The following BACH1 variants were observed in gnomAD, a reference collection of about 807,000 sequenced individuals.
BACH1 encodes BTB domain and CNC homolog 1, also known as transcription regulator protein BACH1.
A neutral mutation model predicts 52.9 loss-of-function variants in BACH1; 35 were observed. The observed-to-expected ratio is 0.66, with a 90% CI of 0.51 to 0.88. The LOEUF (loss-of-function observed/expected upper bound fraction) is 0.88, where lower values mean the gene tolerates loss of function less well. Ranked by LOEUF, BACH1 falls within the 40% of genes least tolerant of loss-of-function variation. BACH1 has a pLI of 0.00. For missense variants in BACH1, 808 were observed against 872.6 expected (o/e 0.93, Z 0.93); for synonymous variants, 321 against 319.6 (o/e 1.00, Z -0.05).
chr21:29,328,151 A>G (rs560151919), intron 3 of BACH1, among the ~76,000 whole-genome samples: 1 of 152,338 alleles, frequency 6.6e-6, no homozygotes, highest in South Asian at 2.1e-4. Flanking sequence ...CTTCTAGTGG[A>G]GTAAAGTTTA....
At chr21:29,330,370 T>G (rs1032624696) in intron 4 of BACH1, among the ~76,000 whole-genome samples, 1 of 151,860 alleles carries the variant, frequency 6.6e-6, no homozygotes, top group Non-Finnish European at 1.5e-5. Context: ...TTAGTAGAGA[T>G]GGGGTTTCAC....
intron 1 of BACH1, among the ~76,000 whole-genome samples, chr21:29,304,953 A>C (rs993390235): frequency 1.3e-5 from 2 of 152,188 alleles, no homozygotes; most frequent in Non-Finnish European, 2.9e-5. Context: ...ATTAGGTTGT[A>C]ATTTCATTAA....
At position 29,326,285 on chromosome 21, in the gene BACH1, A is replaced by T; in HGVS notation, c.461A>T (p.Asp154Val). Reference sequence around the variant, plus strand: ...TTTTCATCACACTGTCAGAAAACAGACCTTAAACTTTCACTTTTGGACCAG... The same window carrying T: ...TTTTCATCACACTGTCAGAAAACAGTCCTTAAACTTTCACTTTTGGACCAG... Reference protein sequence around the residue: ...KCFSSHCQKTDLKLSLLDQRD... With the variant: ...KCFSSHCQKTVLKLSLLDQRD... Residue 154 changes from aspartate (D) to valine (V), a missense_variant, in exon 3 of 5, where the codon GAC becomes GTC. Asp to Val is a radical substitution (Grantham distance 152). Transcript: ENST00000286800. 1 of 1,614,166 alleles carries T rather than the reference A, an allele frequency of 6.2e-7. No individual in the cohort carries two copies. Among genetic ancestry groups the T allele is most frequent in the Non-Finnish European group, 8.5e-7 (1 of 1,180,028 alleles).
intron 1 of BACH1, among the ~76,000 whole-genome samples, chr21:29,308,320 C>T (rs966262190): frequency 3.9e-5 from 6 of 152,156 alleles, no homozygotes; most frequent in Admixed American, 1.3e-4. Flanking sequence ...TGTGGCCCTA[C>T]GGTGGCTGTT....
intron 4 of BACH1, among the ~76,000 whole-genome samples, chr21:29,335,492 A>T (rs1354746653): frequency 6.6e-6 from 1 of 152,226 alleles, no homozygotes; most frequent in Non-Finnish European, 1.5e-5. Context: ...TTACAGTCTC[A>T]TAGGGAGTCA....
chr21:29,361,544 C>T (rs972812429), intron 2 of BACH1: 2 of 152,024 alleles, frequency 1.3e-5, no homozygotes, highest in Non-Finnish European at 2.9e-5. Context: ...ATCTTTTTCT[C>T]GTTCCAGCTA....
chr21:29,328,281 G>A (rs1410229387), intron 3 of BACH1, among the ~76,000 whole-genome samples: 1 of 152,134 alleles, frequency 6.6e-6, no homozygotes, highest in Non-Finnish European at 1.5e-5. Context: ...ATCAAAGCAA[G>A]CTTGATTTGT....
intron 2 of BACH1, among the ~76,000 whole-genome samples, chr21:29,356,800 A>G (rs1054115961): frequency 2.6e-5 from 4 of 152,188 alleles, no homozygotes; most frequent in Admixed American, 6.5e-5. Context: ...TTTTAAATTT[A>G]CCCTGGCTTT....
intron 2 of BACH1, among the ~76,000 whole-genome samples, chr21:29,355,309 G>A (rs149528297): frequency 5.3e-5 from 8 of 152,208 alleles, no homozygotes; most frequent in East Asian, 3.9e-4. Context: ...GACACAGAGC[G>A]CTGATTGGTG....
downstream of BACH1, among the ~76,000 whole-genome samples, chr21:29,346,854 T>C (rs2089171717): frequency 1.5e-5 from 1 of 68,874 alleles, no homozygotes; most frequent in Non-Finnish European, 2.4e-5. Context: ...GTAGTCTGAA[T>C]CGGGAGAAGA....
Position 29,342,519 on chromosome 21 carries a change from G to T in BACH1, c.1897G>T (p.Glu633Ter), listed in dbSNP as rs779746147. 3 of 1,614,180 alleles carry T rather than the reference G, an allele frequency of 1.9e-6. No homozygotes were observed. Among genetic ancestry groups the T allele is most frequent in the Non-Finnish European group, 2.5e-6 (3 of 1,180,032 alleles). Residue 633 changes from glutamate (E) to a stop codon, truncating the protein, a stop_gained, in exon 5 of 5, where the codon GAA (glutamate) becomes TAA (stop). Transcript: ENST00000286800. LOFTEE classifies it low-confidence loss of function (END_TRUNC). ...KVCKEAALSQ[E>*]QIQILAKYSA... Reference sequence around the variant, plus strand: ...TTGTAAAGAAGCAGCTCTGAGTCAAGAACAAATACAGATACTCGCCAAGTA... The same window carrying T: ...TTGTAAAGAAGCAGCTCTGAGTCAATAACAAATACAGATACTCGCCAAGTA...
intron 2 of BACH1, among the ~76,000 whole-genome samples, chr21:29,352,241 G>A (rs766264023): frequency 1.3e-5 from 2 of 151,864 alleles, no homozygotes; most frequent in Non-Finnish European, 2.9e-5. Flanking sequence ...TTTTGGTAGA[G>A]ACGGGGTTTC....
At chr21:29,336,524 A>G (rs960870052) in intron 4 of BACH1, among the ~76,000 whole-genome samples, 1 of 152,224 alleles carries the variant, frequency 6.6e-6, no homozygotes, top group African/African-American at 2.4e-5. Context: ...ATACTCCTGC[A>G]TCCTTTAGAA....
intron 2 of BACH1, chr21:29,359,418 C>T (rs548526692): frequency 1.8e-4 from 27 of 148,402 alleles, no homozygotes; most frequent in African/African-American, 6.0e-4. Flanking sequence ...CCAGGTATAT[C>T]GAAATCTCTC....
chr21:29,324,566 G>A (rs1213915231), intron 2 of BACH1, among the ~76,000 whole-genome samples: 1 of 35,010 alleles, frequency 2.9e-5, no homozygotes, highest in African/African-American at 1.7e-4. Flanking sequence ...TTGTGTGTGT[G>A]TGTGTGTGTG....
At chr21:29,325,352 A>G (rs1236481) in intron 2 of BACH1, among the ~76,000 whole-genome samples, 15,974 of 152,214 alleles carry the variant, frequency 0.1, 1,384 homozygotes, top group East Asian at 0.39. Context: ...AGTTGGTTCC[A>G]TTTGCCTCTC....
intron 2 of BACH1, among the ~76,000 whole-genome samples, chr21:29,324,094 A>G (rs921478362): frequency 1.3e-5 from 2 of 152,092 alleles, no homozygotes; most frequent in South Asian, 4.2e-4. Flanking sequence ...TCTACTAAAA[A>G]TACAAAAATT....
rs185154363 is a variant in BACH1 at position 29,310,254 on chromosome 21, A to G, written c.-60-10967A>G. ...ATAATTGTGAACTATCTTTTTAACC[A>G]AGGCACATTTTTTGTTTGTTTATAG... On this transcript the variant is annotated intron_variant, in intron 1 of 4. Transcript: ENST00000286800. 2.6e-3 allele frequency among the ~76,000 whole-genome samples: 390 copies of G among 152,284 alleles called. 4 individuals carry two copies. Among genetic ancestry groups the G allele is most frequent in the Non-Finnish European group, 3.4e-3 (229 of 68,018 alleles).
In BACH1 at chr21:29,321,389, A is replaced by G. The variant is rs746632871; in HGVS notation, c.109A>G (p.Thr37Ala). 6.2e-6 allele frequency: 10 copies of G among 1,614,174 alleles called. No homozygotes were observed. In the Middle Eastern group the frequency reaches 4.9e-4, roughly 80 times the overall value. ...GAAGAAAGATGTGCTGTGCGATGTC[A>G]CCATCTTTGTGGAGGGACAGCGGTT... ...QRKKDVLCDVTIFVEGQRFRA... is the reference protein window; with the variant it reads ...QRKKDVLCDVAIFVEGQRFRA... Residue 37 changes from threonine (T) to alanine (A), a missense_variant, in exon 2 of 5, where the codon ACC (threonine) becomes GCC (alanine). Coordinates refer to ENST00000286800, the MANE Select transcript of BACH1 (RefSeq NM_001186.4).
Sources: gnomAD v4.1 joint callset for allele counts (sites outside exome capture counted in the v4.1 genomes callset) on GRCh38, gnomAD v4.1.1 for gene constraint, MANE v1.5 for transcripts, NCBI Gene and HGNC (gene_info 2026-07-23, HGNC 2026-07-21) for gene names.